Variants in WRAP53 observed in about 807,000 individuals in gnomAD.
WRAP53 encodes telomerase Cajal body protein 1.
WRAP53 carries 28 observed loss-of-function variants against 56.6 expected under a neutral mutation model. The ratio of observed to expected loss-of-function variants is 0.50; its 90% CI spans 0.37 to 0.68. The LOEUF is 0.68. Ranked by LOEUF, WRAP53 falls within the 30% of genes least tolerant of loss-of-function variation. The pLI, the probability that WRAP53 is intolerant of heterozygous loss-of-function variation, is 0.00. For missense variants in WRAP53, 671 were observed against 715.5 expected (o/e 0.94, Z 0.71); for synonymous variants, 283 against 283.4 (o/e 1.00, Z 0.01).
chr17:7,688,819 T>C lies in WRAP53; in HGVS notation c.171T>C (p.Pro57=). ...RGDPPRLSPD[P]VAGSAVSQEL... is the part of the protein sequence containing the mutation. ...ATCCGCCCCGGTTGTCCCCAGATCC[T>C]GTGGCTGGCTCAGCTGTGTCCCAGG... Residue 57 remains proline (P), a synonymous_variant, in exon 2 of 11, where the codon CCT becomes CCC. Transcript: ENST00000396463. 6.2e-7 allele frequency: 1 copy of C among 1,614,222 alleles called. No individual in the cohort carries two copies.
rs796407717 is a variant in WRAP53, at chr17:7,696,522, TCTC to T, written c.643-4216_643-4214del. Among the ~76,000 whole-genome samples the T allele has an allele frequency of 2.6e-5, 4 of 152,068 alleles. No homozygotes were observed. The South Asian group carries it at 8.3e-4, about 32-fold the overall frequency. Reference sequence around the variant, plus strand: ...ACCACGTTAGCCAGGATGGTCTCGATCTCCTGACCTTGTGATCCGCCCGCCTTG... The same window carrying T: ...ACCACGTTAGCCAGGATGGTCTCGATCTGACCTTGTGATCCGCCCGCCTTG... On this transcript the variant is annotated intron_variant, in intron 4 of 10. Transcript: ENST00000396463.
intron 4 of WRAP53, among the ~76,000 whole-genome samples, chr17:7,699,450 ATATATATTTATATATATATATATATT>A (rs2074230061): frequency 2.6e-4 from 14 of 53,218 alleles, no homozygotes; most frequent in African/African-American, 4.8e-4. Flanking sequence ...TTATATATAT[ATATATATTTATATATATATATATATT>A]TATATATATA....
upstream of WRAP53, chr17:7,687,091 A>G (rs1035592131): frequency 1.8e-5 from 7 of 387,578 alleles, 1 homozygote; most frequent in Non-Finnish European, 3.2e-5. Context: ...TGTGCAAAGA[A>G]GTACGCTTTA....
chr17:7,689,136 C>G, intron 2 of WRAP53, 57 bp downstream of exon 2: 1 of 1,613,628 alleles, frequency 6.2e-7, no homozygotes. Flanking sequence ...TGAGGTCGAT[C>G]TGTCCTCTGG....
At position 7,702,701 on chromosome 17, in the gene WRAP53, A is replaced by G; in HGVS notation, c.1165-42A>G. 6.2e-7 allele frequency: 1 copy of G among 1,608,970 alleles called. No homozygotes were observed. The highest frequency in any genetic ancestry group is 1.1e-5 in the South Asian group (1 of 91,044). On this transcript the variant is annotated intron_variant, in intron 8 of 10. Coordinates refer to ENST00000396463, the MANE Select transcript of WRAP53 (RefSeq NM_001143992.2). The surrounding 1 kb of genome is among the most constrained non-coding windows in gnomAD (Gnocchi z 5.0). The stretch of plus-strand genomic sequence containing the variant: ...GACCCCGAGGGAGGCAGGGACATCC[A>G]GGGCTTTGGGGGTGACTCCAGGTCC...
intron 4 of WRAP53, among the ~76,000 whole-genome samples, chr17:7,697,439 C>G (rs958373681): frequency 3.3e-5 from 5 of 152,144 alleles, no homozygotes; most frequent in Admixed American, 6.5e-5. Context: ...AGGCAGATCA[C>G]TTGAGGCTGG....
At chr17:7,691,451 G>A (rs562389085) in intron 4 of WRAP53, among the ~76,000 whole-genome samples, 159 of 147,868 alleles carry the variant, frequency 1.1e-3, no homozygotes, top group African/African-American at 3.7e-3. Flanking sequence ...GTGCAATGGC[G>A]TGATCTCGGC....
rs1348285117 is a variant in WRAP53, at chr17:7,701,736, G to A, written c.902G>A (p.Arg301His). The change falls in exon 7 of 11, where the codon CGT becomes CAT. Residue 301 changes from arginine (R) to histidine (H), a missense_variant. Physicochemically the swap from Arg to His is conservative, Grantham distance 29 (BLOSUM62 0). This residue lies in a region of WRAP53 where 406 missense variants were observed against 418.5 expected (regional missense o/e 0.97). Transcript: ENST00000396463. The surrounding 1 kb of genome is among the most constrained non-coding windows in gnomAD (Gnocchi z 4.2). ...TTCTGTGGCTTCAACCGGACTGTGCGTGTTTTTTCCACGGCCCGGCCTGGC... is the reference window on the plus strand; with the variant it reads ...TTCTGTGGCTTCAACCGGACTGTGCATGTTTTTTCCACGGCCCGGCCTGGC... The part of the protein sequence containing the change: ...QLFCGFNRTV[R>H]VFSTARPGRD... The A allele has an allele frequency of 8.7e-6, 14 of 1,614,106 alleles. No homozygotes were observed. The highest frequency in any genetic ancestry group is 3.3e-5 in the Admixed American group (2 of 60,002).
rs2074287869 is a variant in WRAP53 at position 7,702,444 on chromosome 17, T to C, written c.1056T>C (p.Tyr352=). Residue 352 remains tyrosine (Y), a synonymous_variant, in exon 8 of 11, where the codon TAT becomes TAC. Transcript: ENST00000396463. This position sits in a 1 kb window ranked among gnomAD's most constrained non-coding sequence, Gnocchi z 5.0. ...CGSYGRSLGL[Y]AWDDGSPLAL... The stretch of plus-strand genomic sequence containing the variant: ...CCTACGGCCGCTCCCTGGGTCTGTA[T>C]GCCTGGGATGATGGCTCCCCTCTCG... 1 of 1,614,106 alleles carries C rather than the reference T, an allele frequency of 6.2e-7. No homozygotes were observed. Among genetic ancestry groups the C allele is most frequent in the African/African-American group, 1.3e-5 (1 of 75,042 alleles).
chr17:7,699,480 A>ATT lies in WRAP53; in HGVS notation c.643-1260_643-1259insTT, dbSNP rs1265020407. ...TATTTATATATATATATATATTTATATATATATATATATATATATATTTAT... is the reference window on the plus strand; with the variant it reads ...TATTTATATATATATATATATTTATATTTATATATATATATATATATATTTAT... On this transcript the variant is annotated intron_variant, in intron 4 of 10. Coordinates refer to ENST00000396463, the MANE Select transcript of WRAP53 (RefSeq NM_001143992.2). 1.1e-3 allele frequency among the ~76,000 whole-genome samples: 12 copies of ATT among 11,306 alleles called. 2 individuals are homozygous for ATT. The highest frequency in any genetic ancestry group is 3.3e-3 in the East Asian group (1 of 300). The allele number at this position is 11,306 out of a possible 152,430, so 7.4% of individuals were successfully genotyped here.
At chr17:7,686,996 A>C (rs1455120923), upstream of WRAP53, 1 of 239,048 alleles carries the variant, frequency 4.2e-6, no homozygotes, top group African/African-American at 2.2e-5. Flanking sequence ...ATGAGTTCTC[A>C]ATGTTTCGAG....
rs115388376 is a variant in WRAP53 at position 7,700,865 on chromosome 17, C to A, written c.731+36C>A. On this transcript the variant is annotated intron_variant, in intron 5 of 10. Transcript: ENST00000396463. ...TTTGCCTCCCTGCTCGCCGCCCCAC[C>A]ACCCAGTTTCAAGCAGGGCCTCTTG... 2.4e-3 allele frequency: 3,615 copies of A among 1,503,238 alleles called. 64 individuals carry two copies. In the African/African-American group the frequency reaches 0.044, roughly 18 times the overall value. The allele number at this position is 1,503,238 out of a possible 1,614,324, so 93.1% of individuals were successfully genotyped here.
In WRAP53 at chr17:7,688,846, G is replaced by A. The variant is rs761413179; in HGVS notation, c.198G>A (p.Glu66=). ...DPVAGSAVSQ[E]LREGDPVSLS... The stretch of plus-strand genomic sequence containing the variant: ...TGGCTGGCTCAGCTGTGTCCCAGGA[G>A]CTACGGGAGGGGGACCCAGTTTCTC... The change falls in exon 2 of 11, where the codon GAG becomes GAA. Residue 66 remains glutamate, a synonymous_variant. Transcript: ENST00000396463. 2 of 1,614,194 alleles carry A rather than the reference G, an allele frequency of 1.2e-6. No homozygotes were observed. Among genetic ancestry groups the A allele is most frequent in the South Asian group, 1.1e-5 (1 of 91,084 alleles).
intron 4 of WRAP53, among the ~76,000 whole-genome samples, chr17:7,697,054 C>T (rs1442864637): frequency 6.6e-6 from 1 of 152,172 alleles, no homozygotes; most frequent in African/African-American, 2.4e-5. Context: ...GGCATGGTGG[C>T]TCATGCCTGT....
At position 7,702,504 on chromosome 17, in the gene WRAP53, C is replaced by T; in HGVS notation, c.1116C>T (p.His372=). ...LLGGHQGGIT[H]LCFHPDGNRF... is the part of the protein sequence containing the mutation. ...GAGGGCACCAAGGGGGCATCACCCA[C>T]CTCTGCTTTCATCCCGATGGCAACC... Residue 372 remains histidine, a synonymous_variant, in exon 8 of 11, where the codon CAC becomes CAT. Coordinates refer to ENST00000396463, the MANE Select transcript of WRAP53 (RefSeq NM_001143992.2). This position sits in a 1 kb window ranked among gnomAD's most constrained non-coding sequence, Gnocchi z 5.0. 6.2e-7 allele frequency: 1 copy of T among 1,613,434 alleles called. No individual in the cohort carries two copies. Among genetic ancestry groups the T allele is most frequent in the Non-Finnish European group, 8.5e-7 (1 of 1,180,004 alleles).
upstream of WRAP53, chr17:7,688,206 C>A (rs1731620893): frequency 1.0e-5 from 2 of 193,250 alleles, no homozygotes; most frequent in South Asian, 1.7e-4. Flanking sequence ...GGGGGCGGTG[C>A]AGGTGCTTTA....
rs1049568496 is a variant in WRAP53, at chr17:7,700,898, C to T, written c.731+69C>T. 1.9e-5 allele frequency: 23 copies of T among 1,185,772 alleles called. No homozygotes were observed. The South Asian group carries it at 2.2e-4, about 11-fold the overall frequency. 73.5% of individuals were successfully genotyped at this position (1,185,772 alleles called of 1,614,324 possible). A position where few individuals can be genotyped will look rare whatever the true frequency, so the allele number is the denominator to read the frequency against. On this transcript the variant is annotated intron_variant, in intron 5 of 10. Transcript: ENST00000396463. ...TTCAAGCAGGGCCTCTTGGGAGAGT[C>T]AAGGGCTGCCAGGGGTCTTTGGAGG... is the stretch of plus-strand genomic sequence containing the variant.
At chr17:7,698,908 A>G (rs530565739) in intron 4 of WRAP53, among the ~76,000 whole-genome samples, 1 of 144,254 alleles carries the variant, frequency 6.9e-6, no homozygotes, top group South Asian at 2.2e-4. Context: ...ATAAATAAAT[A>G]AGCCAGGTAT....
At chr17:7,690,331 G>T (rs572909822) in intron 4 of WRAP53, among the ~76,000 whole-genome samples, 2 of 152,314 alleles carry the variant, frequency 1.3e-5, no homozygotes, top group East Asian at 3.9e-4. Flanking sequence ...TGAAGGGCTG[G>T]TTTGCTTTCT....
Sources: allele counts gnomAD v4.1 joint callset (sites outside exome capture counted in the v4.1 genomes callset), GRCh38; gene constraint gnomAD v4.1.1; regional missense constraint gnomAD v4.1.1; non-coding constraint Gnocchi (gnomAD v3.1); transcripts MANE v1.5; gene names NCBI Gene and HGNC (gene_info 2026-07-23, HGNC 2026-07-21).